The following AHRR variants were observed in gnomAD, a reference collection of about 807,000 sequenced individuals.
The protein encoded by AHRR is aryl hydrocarbon receptor repressor, also known as ahR repressor.
A neutral mutation model predicts 44.0 loss-of-function variants in AHRR; 28 were observed. The observed-to-expected ratio is 0.64, with a 90% CI of 0.47 to 0.87. The LOEUF is 0.87. Among genes scored for constraint, AHRR ranks in the 40% least tolerant of loss-of-function variants. AHRR has a pLI of 0.00. For synonymous variants in AHRR, 434 were observed against 407.0 expected (o/e 1.07, Z -0.80); for missense variants, 990 against 953.9 (o/e 1.04, Z -0.50).
rs990948996 is a variant in AHRR, at chr5:388,781, A to C, written c.351+12065A>C. Among the ~76,000 whole-genome samples, 3 of 152,136 alleles carry C rather than the reference A, an allele frequency of 2.0e-5. No individual in the cohort carries two copies. Among genetic ancestry groups the C allele is most frequent in the African/African-American group, 7.2e-5 (3 of 41,418 alleles). ...GACTTCAGTTTCAAACCTCAAAGCC[A>C]CTGGGCAGAGGTTCCGTCCCGCTGG... On this transcript the variant is annotated intron_variant, in intron 4 of 10. Transcript: ENST00000684583. The surrounding 1 kb of genome is among the most constrained non-coding windows in gnomAD (Gnocchi z 5.2).
At position 321,832 on chromosome 5, in the gene AHRR, G is replaced by C. The variant is rs956173337; in HGVS notation, c.-11+13G>C. The C allele has an allele frequency of 6.6e-6, 1 of 151,932 alleles. No individual in the cohort carries two copies. Among genetic ancestry groups the C allele is most frequent in the African/African-American group, 2.4e-5 (1 of 41,378 alleles). The allele number at this position is 151,932 out of a possible 1,614,324, so 9.4% of individuals were successfully genotyped here. On this transcript the variant is annotated intron_variant, in intron 1 of 10. Coordinates refer to ENST00000684583, the MANE Select transcript of AHRR (RefSeq NM_001377236.1). This position sits in a 1 kb window ranked among gnomAD's most constrained non-coding sequence, Gnocchi z 8.3. Reference sequence around the variant, plus strand: ...CCGCAGGCCCTGGGTAAGTGTCCTGGGCGCCCCCGCAGGCCCCCGCCGCGT... The same window carrying C: ...CCGCAGGCCCTGGGTAAGTGTCCTGCGCGCCCCCGCAGGCCCCCGCCGCGT...
Position 424,537 on chromosome 5 carries a change from C to T in AHRR, c.708+560C>T, listed in dbSNP as rs572028839. Among the ~76,000 whole-genome samples, 4 of 151,632 alleles carry T rather than the reference C, an allele frequency of 2.6e-5. 1 individual carries two copies. Among genetic ancestry groups the T allele is most frequent in the African/African-American group, 9.7e-5 (4 of 41,450 alleles). On this transcript the variant is annotated intron_variant, in intron 7 of 10. Transcript: ENST00000684583. ...TGGGGCTGTGACGCCTCTGGGCATG[C>T]GTGATGAGTCAACCGTGAGGCCTGC... is the stretch of plus-strand genomic sequence containing the variant.
chr5:367,793 C>G (rs1451567818), intron 3 of AHRR: 1 of 700,520 alleles, frequency 1.4e-6, no homozygotes, highest in Non-Finnish European at 2.6e-6. Context: ...CCCTCCTTCT[C>G]TGTTGTATGC....
At chr5:376,524 C>G (rs1189791500) in intron 3 of AHRR, 86 bp from the exon 4 acceptor site, 5 of 1,421,532 alleles carry the variant, frequency 3.5e-6, no homozygotes, top group South Asian at 2.8e-5. Context: ...GGGGTGAACG[C>G]GGGGAAACAC....
chr5:432,810 G>A lies in AHRR; in HGVS notation c.975G>A (p.Arg325=). 6.2e-7 allele frequency: 1 copy of A among 1,613,872 alleles called. No individual in the cohort carries two copies. Among genetic ancestry groups the A allele is most frequent in the Non-Finnish European group, 8.5e-7 (1 of 1,180,026 alleles). ...LHGKPNYSAG[R]SSRESGVLVL... is the part of the protein sequence containing the mutation. ...CCCCCCTCTAAACCCCAACAGGAAG[G>A]AGCAGCAGAGAGAGCGGCGTTTTGG... The change falls in exon 10 of 11, where the codon AGG becomes AGA. Residue 325 remains arginine, a synonymous_variant. Coordinates refer to ENST00000684583, the MANE Select transcript of AHRR (RefSeq NM_001377236.1).
chr5:376,559 T>TGAATGAATGAGAACCGG, intron 3 of AHRR, 51 bp from the exon 4 acceptor site: 1 of 241,102 alleles, frequency 4.1e-6, no homozygotes, highest in Non-Finnish European at 7.4e-6. Context: ...TGAAGAAGAG[T>TGAATGAATGAGAACCGG]GGCCAGGCCA....
In AHRR at chr5:376,502, G is replaced by GTT. The variant is rs1733653380; in HGVS notation, c.245-108_245-107insTT. ...TCAGTGCAGCCCAGGCCAGATGTCAGGTGAGAACCGTGGGGTGAACGCGGG... is the reference window on the plus strand; with the variant it reads ...TCAGTGCAGCCCAGGCCAGATGTCAGTTGTGAGAACCGTGGGGTGAACGCGGG... On this transcript the variant is annotated intron_variant, in intron 3 of 10. Transcript: ENST00000684583. 5.2e-5 allele frequency: 3 copies of GTT among 57,612 alleles called. 1 individual carries two copies. Among genetic ancestry groups the GTT allele is most frequent in the Non-Finnish European group, 8.1e-5 (2 of 24,812 alleles). The allele number at this position is 57,612 out of a possible 1,614,324, so 3.6% of individuals were successfully genotyped here.
intron 8 of AHRR, among the ~76,000 whole-genome samples, chr5:431,564 A>T (rs1736732387): frequency 6.6e-6 from 1 of 152,128 alleles, no homozygotes; most frequent in Non-Finnish European, 1.5e-5. Context: ...GCAGAATCAG[A>T]GCCCTGAGGC....
chr5:340,385 G>T (rs1029401287), intron 1 of AHRR, among the ~76,000 whole-genome samples: 4 of 151,724 alleles, frequency 2.6e-5, no homozygotes, highest in African/African-American at 9.7e-5. Flanking sequence ...CTGGAGGCTG[G>T]GAAGTCCAAG....
intron 1 of AHRR, among the ~76,000 whole-genome samples, chr5:339,694 GTTAA>G (rs1421900477): frequency 6.6e-6 from 1 of 152,038 alleles, no homozygotes; most frequent in Non-Finnish European, 1.5e-5. Flanking sequence ...TCTTTATCAC[GTTAA>G]TTAAGTTTCC....
At position 432,510 on chromosome 5, in the gene AHRR, C is replaced by T. The variant is rs774271623; in HGVS notation, c.956C>T (p.Pro319Leu). 2 of 1,614,146 alleles carry T rather than the reference C, an allele frequency of 1.2e-6. No homozygotes were observed. Among genetic ancestry groups the T allele is most frequent in the Non-Finnish European group, 1.7e-6 (2 of 1,179,974 alleles). ...TGCGAATCGGAACTGCATGGAAAAC[C>T]CAATTACTCAGCAGGTACTTAGAAC... is the stretch of plus-strand genomic sequence containing the variant. ...SLCESELHGKPNYSAGRSSRE... is the reference protein window; with the variant it reads ...SLCESELHGKLNYSAGRSSRE... The change falls in exon 9 of 11, where the codon CCC becomes CTC. Residue 319 changes from proline (P) to leucine (L), a missense_variant. Transcript: ENST00000684583.
chr5:368,032 C>T (rs1743427941), intron 3 of AHRR: 2 of 663,034 alleles, frequency 3.0e-6, no homozygotes, highest in Middle Eastern at 2.4e-4. Flanking sequence ...GCAGGCCAGC[C>T]CCATATGGGT....
intron 7 of AHRR, chr5:427,575 C>T: frequency 1.3e-6 from 2 of 1,597,402 alleles, no homozygotes; most frequent in Non-Finnish European, 8.6e-7. Context: ...GCCGCGGCTC[C>T]AGAGAAACTG....
At chr5:373,136 G>A (rs1004779038) in intron 3 of AHRR, among the ~76,000 whole-genome samples, 6 of 152,240 alleles carry the variant, frequency 3.9e-5, no homozygotes, top group Non-Finnish European at 8.8e-5. Flanking sequence ...GGTTCTGCGC[G>A]GTTGGCAGAG....
intron 4 of AHRR, among the ~76,000 whole-genome samples, chr5:408,536 G>C (rs1163333226): frequency 6.6e-6 from 1 of 151,952 alleles, no homozygotes; most frequent in Non-Finnish European, 1.5e-5. Context: ...GATTATATCT[G>C]CTTGGCTATT....
intron 2 of AHRR, 123 bp downstream of exon 2, chr5:344,087 G>T: frequency 9.2e-7 from 1 of 1,090,160 alleles, no homozygotes; most frequent in Non-Finnish European, 1.3e-6. Context: ...GAGCCGGGCG[G>T]GCCGGGGCTG....
At chr5:331,764 A>C (rs1560877836) in intron 1 of AHRR, among the ~76,000 whole-genome samples, 1 of 152,182 alleles carries the variant, frequency 6.6e-6, no homozygotes, top group Non-Finnish European at 1.5e-5. Context: ...TCATAGGAGC[A>C]CAAACCCTAT....
intron 2 of AHRR, among the ~76,000 whole-genome samples, chr5:352,911 G>A (rs1742907192): frequency 6.6e-6 from 1 of 151,584 alleles, no homozygotes; most frequent in Non-Finnish European, 1.5e-5. Context: ...AGCCGTAGGG[G>A]ACGGTCACTC....
intron 1 of AHRR, among the ~76,000 whole-genome samples, chr5:332,922 C>A (rs536637336): frequency 1.7e-4 from 22 of 126,042 alleles, no homozygotes; most frequent in South Asian, 2.7e-4. Context: ...TAATAAATGA[C>A]CTTTGTCTTT....
Sources: gnomAD v4.1 joint callset for allele counts (sites outside exome capture counted in the v4.1 genomes callset) on GRCh38, gnomAD v4.1.1 for gene constraint, Gnocchi (gnomAD v3.1) non-coding constraint, MANE v1.5 for transcripts, NCBI Gene and HGNC (gene_info 2026-07-23, HGNC 2026-07-21) for gene names.